The following GSE1 variants were observed in gnomAD, a reference collection of about 807,000 sequenced individuals.
The protein encoded by GSE1 is genetic suppressor element 1.
Under a neutral mutation model 112.6 loss-of-function variants are expected in GSE1, and 32 were observed. That is an observed-to-expected ratio of 0.28 (90% CI 0.21 to 0.38). The LOEUF (loss-of-function observed/expected upper bound fraction) is 0.38, where lower values mean the gene tolerates loss of function less well. Among genes scored for constraint, GSE1 ranks in the 10% least tolerant of loss-of-function variants. The probability of loss-of-function intolerance (pLI) is 1.00; values close to 1 mark genes in which losing one functional copy is unlikely to be tolerated. For missense variants in GSE1, 2,348 were observed against 1,699.2 expected, an observed-to-expected ratio of 1.38 and a Z score of -6.71; for synonymous variants, 1,115 against 735.6, an observed-to-expected ratio of 1.52 and a Z score of -8.35.
rs777399454 is a variant in GSE1 at position 85,657,401 on chromosome 16, C to T, written c.1437C>T (p.Ser479=). ...ISNHGIFSLP[S]SSAATALLIQ... ...ACCATGGCATCTTCTCTCTGCCTAG[C>T]AGCAGTGCTGCCACAGCCCTGCTGA... is the stretch of plus-strand genomic sequence containing the variant. Residue 479 remains serine, a synonymous_variant, in exon 8 of 16, where the codon AGC becomes AGT. Coordinates refer to ENST00000253458, the MANE Select transcript of GSE1 (RefSeq NM_014615.5). 1 of 1,612,786 alleles carries T rather than the reference C, an allele frequency of 6.2e-7. No homozygotes were observed. Among genetic ancestry groups the T allele is most frequent in the South Asian group, 1.1e-5 (1 of 91,010 alleles).
At chr16:85,283,623 C>T (rs942432495) in intron 1 of GSE1, 3 of 152,322 alleles carry the variant, frequency 2.0e-5, no homozygotes, top group East Asian at 1.9e-4. Context: ...CCCCAGCAGG[C>T]GGGGTTTGAT....
At chr16:85,648,955 C>T (rs966977204) in intron 3 of GSE1, among the ~76,000 whole-genome samples, 2 of 152,156 alleles carry the variant, frequency 1.3e-5, no homozygotes, top group African/African-American at 4.8e-5. Context: ...TACATCGGCC[C>T]ACGCATCAGT....
At chr16:85,350,519 C>T (rs1247621465) in intron 1 of GSE1, among the ~76,000 whole-genome samples, 1 of 152,130 alleles carries the variant, frequency 6.6e-6, no homozygotes, top group Admixed American at 6.5e-5. Flanking sequence ...GCCCAGCAGC[C>T]AGGGTGTGAG....
intron 2 of GSE1, among the ~76,000 whole-genome samples, chr16:85,470,679 A>G (rs1214324556): frequency 6.6e-6 from 1 of 152,202 alleles, no homozygotes; most frequent in Non-Finnish European, 1.5e-5. Flanking sequence ...TCTCCTCCAC[A>G]GGGGTGAGCA....
In GSE1 at chr16:85,661,676, A is replaced by C; in HGVS notation, c.2171A>C (p.Tyr724Ser). ...PPVPRAPDPA[Y>S]IYDEFLQQRR... ...GTGCCACGGGCCCCCGACCCTGCCTACATCTATGATGAGTTCCTGCAGCAG... is the reference window on the plus strand; with the variant it reads ...GTGCCACGGGCCCCCGACCCTGCCTCCATCTATGATGAGTTCCTGCAGCAG... Residue 724 changes from tyrosine (Y) to serine (S), a missense_variant, in exon 9 of 16, where the codon TAC becomes TCC. Transcript: ENST00000253458. 1 of 1,610,622 alleles carries C rather than the reference A, an allele frequency of 6.2e-7. No individual in the cohort carries two copies. The highest frequency in any genetic ancestry group is 8.5e-7 in the Non-Finnish European group (1 of 1,179,142).
At chr16:85,668,054 C>A in intron 13 of GSE1, 86 bp from the exon 14 acceptor site, 2 of 1,044,424 alleles carry the variant, frequency 1.9e-6, no homozygotes, top group South Asian at 1.6e-5. Flanking sequence ...TGACTCTGCA[C>A]CAAGGGCAGA....
intron 1 of GSE1, among the ~76,000 whole-genome samples, chr16:85,270,135 C>G (rs1438158808): frequency 1.3e-5 from 2 of 149,140 alleles, no homozygotes; most frequent in African/African-American, 4.8e-5. Flanking sequence ...TGGGGTCACA[C>G]TGGCCAGAAG....
chr16:85,532,774 T>A (rs2044178488), intron 2 of GSE1, among the ~76,000 whole-genome samples: 1 of 152,198 alleles, frequency 6.6e-6, no homozygotes, highest in Non-Finnish European at 1.5e-5. Flanking sequence ...CTGCCACATG[T>A]GTATTTTGGA....
At chr16:85,438,169 C>G (rs2049296903) in intron 2 of GSE1, among the ~76,000 whole-genome samples, 1 of 152,152 alleles carries the variant, frequency 6.6e-6, no homozygotes, top group South Asian at 2.1e-4. Flanking sequence ...TCTGTGAGCC[C>G]CCACGGGGTA....
At chr16:85,217,938 G>A (rs963287476) in intron 1 of GSE1, among the ~76,000 whole-genome samples, 6 of 151,778 alleles carry the variant, frequency 4.0e-5, no homozygotes, top group Admixed American at 2.6e-4. Flanking sequence ...GTCTTGTTCT[G>A]TTACGACGCT....
intron 2 of GSE1, among the ~76,000 whole-genome samples, chr16:85,643,314 G>T (rs550042978): frequency 1.5e-4 from 23 of 152,208 alleles, no homozygotes; most frequent in African/African-American, 5.3e-4. Context: ...GAGAATGAGG[G>T]TTCGAGGGCC....
intron 2 of GSE1, among the ~76,000 whole-genome samples, chr16:85,478,850 T>C (rs1399897269): frequency 1.1e-4 from 1 of 8,794 alleles, no homozygotes; most frequent in East Asian, 2.6e-3. Context: ...TTTCTTTCTT[T>C]CTTTCTTTCT....
intron 1 of GSE1, among the ~76,000 whole-genome samples, chr16:85,232,055 G>C (rs999872829): frequency 2.6e-5 from 4 of 152,234 alleles, no homozygotes; most frequent in Non-Finnish European, 4.4e-5. Context: ...CTCCCCCACA[G>C]TGAGAGGCGG....
intron 2 of GSE1, among the ~76,000 whole-genome samples, chr16:85,642,748 C>T (rs1235190785): frequency 6.6e-6 from 1 of 152,254 alleles, no homozygotes; most frequent in Non-Finnish European, 1.5e-5. Context: ...CGGGGCCGGG[C>T]CCTGGGGTGG....
chr16:85,388,376 G>GTGGGTAGA (rs1391875539), intron 2 of GSE1, among the ~76,000 whole-genome samples: 4,264 of 60,664 alleles, frequency 0.07, 1,003 homozygotes, highest in Non-Finnish European at 0.09. Context: ...GGGCGGGTGG[G>GTGGGTAGA]TGGATGGATG....
intron 1 of GSE1, among the ~76,000 whole-genome samples, chr16:85,588,786 G>A (rs998599544): frequency 3.9e-5 from 6 of 152,128 alleles, no homozygotes; most frequent in East Asian, 1.9e-4. Flanking sequence ...CAGGGGGCCC[G>A]GGGACGCTGG....
intron 2 of GSE1, among the ~76,000 whole-genome samples, chr16:85,639,447 C>T (rs773254551): frequency 6.6e-6 from 1 of 152,226 alleles, no homozygotes; most frequent in Non-Finnish European, 1.5e-5. Flanking sequence ...AGCCCTGTGT[C>T]CCACCCCCTG....
intron 2 of GSE1, among the ~76,000 whole-genome samples, chr16:85,534,136 T>TTC: frequency 6.6e-6 from 1 of 151,558 alleles, no homozygotes; most frequent in Admixed American, 6.6e-5. Context: ...TCCTTTTTTT[T>TTC]TTTGAGATGG....
At chr16:85,441,799 C>T (rs2049382163) in intron 2 of GSE1, among the ~76,000 whole-genome samples, 1 of 152,184 alleles carries the variant, frequency 6.6e-6, no homozygotes, top group South Asian at 2.1e-4. Flanking sequence ...CCTTGGCCTC[C>T]CTGCCTCCCC....
Sources: gnomAD v4.1 joint callset for allele counts (sites outside exome capture counted in the v4.1 genomes callset) on GRCh38, gnomAD v4.1.1 for gene constraint, MANE v1.5 for transcripts, NCBI Gene and HGNC (gene_info 2026-07-23, HGNC 2026-07-21) for gene names.